The following VWF variants were observed in gnomAD, a reference collection of about 807,000 sequenced individuals.
VWF encodes von Willebrand factor, also known as Factor VIII related antigen.
A neutral mutation model predicts 308.6 loss-of-function variants in VWF; 176 were observed. The observed-to-expected ratio is 0.57, with a 90% CI of 0.50 to 0.65. The LOEUF is 0.65. VWF is among the 30% of genes least tolerant of loss of function. The pLI is 0.00. For synonymous variants in VWF, 1,385 were observed against 1,443.4 expected (o/e 0.96, Z 0.92); for missense variants, 3,146 against 3,648.2 (o/e 0.86, Z 3.55).
chr12:6,056,930 G>C lies in VWF; in HGVS notation c.1872C>G (p.Gly624=), dbSNP rs1426537381. The C allele has an allele frequency of 1.3e-6, 2 of 1,534,680 alleles. No homozygotes were observed. The highest frequency in any genetic ancestry group is 1.7e-6 in the Non-Finnish European group (2 of 1,145,960). ...AGGCCGCGGCATAGCTGGCCAGGGC[G>C]CCGCACAGGCACTCGCGGCCGTCCG... ...SCSDGRECLC[G]ALASYAAACA... The change falls in exon 15 of 52, where the codon GGC becomes GGG. Residue 624 remains glycine, a synonymous_variant. Transcript: ENST00000261405.
rs61750595 is a variant in VWF at position 6,018,443 on chromosome 12, G to A, written c.4975C>T (p.Arg1659Ter). The A allele has an allele frequency of 3.2e-5, 52 of 1,612,998 alleles. No individual in the cohort carries two copies. The highest frequency in any genetic ancestry group is 1.2e-5 in the Non-Finnish European group (14 of 1,179,672). The change falls in exon 28 of 52, where the codon CGA (arginine) becomes TGA (stop). Residue 1659 changes from arginine to a stop codon, truncating the protein, a stop_gained. Coordinates refer to ENST00000261405, the MANE Select transcript of VWF (RefSeq NM_000552.5). LOFTEE classifies it high-confidence loss of function. ...TGCAGCACCAGGTCAGGAGCCTCTCGGGGGAGCGTCTCAAAGTCCTGGATG... is the reference window on the plus strand; with the variant it reads ...TGCAGCACCAGGTCAGGAGCCTCTCAGGGGAGCGTCTCAAAGTCCTGGATG... ...ILIQDFETLP[R>*]EAPDLVLQRC...
intron 34 of VWF, among the ~76,000 whole-genome samples, chr12:5,998,482 AAAAAAAAAAAAAAAAAATATAT>A (rs1470205709): frequency 3.4e-5 from 2 of 58,196 alleles, no homozygotes; most frequent in Non-Finnish European, 5.9e-5. Context: ...AAAAAAAAAA[AAAAAAAAAAAAAAAAAATATAT>A]ATATATATAT....
Position 6,071,325 on chromosome 12 carries a change from C to G in VWF, c.1128G>C (p.Gln376His). The change falls in exon 10 of 52, where the codon CAG becomes CAC. Residue 376 changes from glutamine to histidine, a missense_variant. Around this residue, in one of 3 missense-constraint regions of VWF, gnomAD observed 1,304 missense variants for 1,353.0 expected, o/e 0.96. Transcript: ENST00000261405. ...GACATTCTTCATTGCTGCAGATCCA[C>G]TGGCTGTTTCGGCAAATGCTGTTGG... is the stretch of plus-strand genomic sequence containing the variant. Reference protein sequence around the residue: ...DCNTCICRNSQWICSNEECPG... With the variant: ...DCNTCICRNSHWICSNEECPG... 2 of 1,614,174 alleles carry G rather than the reference C, an allele frequency of 1.2e-6. No homozygotes were observed. Among genetic ancestry groups the G allele is most frequent in the Non-Finnish European group, 1.7e-6 (2 of 1,180,030 alleles).
In VWF at chr12:6,019,620, C is replaced by T. The variant is rs759033374; in HGVS notation, c.3798G>A (p.Pro1266=). The stretch of plus-strand genomic sequence containing the variant: ...GCCTGCTGCAGTAGAAATCGTGCAA[C>T]GGCGGTTCCGAGATGTCCTCCACAT... The part of the protein sequence containing the change: ...TLYVEDISEP[P]LHDFYCSRLL... The change falls in exon 28 of 52, where the codon CCG becomes CCA. Residue 1266 remains proline (P), a synonymous_variant. Coordinates refer to ENST00000261405, the MANE Select transcript of VWF (RefSeq NM_000552.5). The surrounding 1 kb of genome is among the most constrained non-coding windows in gnomAD (Gnocchi z 5.8). 30 of 1,613,970 alleles carry T rather than the reference C, an allele frequency of 1.9e-5. No homozygotes were observed. The highest frequency in any genetic ancestry group is 4.4e-5 in the South Asian group (4 of 91,080).
chr12:6,045,589 C>T (rs1480848074), intron 17 of VWF, among the ~76,000 whole-genome samples: 1 of 152,160 alleles, frequency 6.6e-6, no homozygotes, highest in Admixed American at 6.5e-5. Context: ...TTTGAGCCAC[C>T]CATGCCCTCG....
chr12:6,117,119 G>A (rs1945376294), intron 3 of VWF, among the ~76,000 whole-genome samples: 2 of 152,144 alleles, frequency 1.3e-5, no homozygotes, highest in African/African-American at 4.8e-5. Context: ...CGGTTTTGGT[G>A]AAAATGAAAT....
At chr12:5,984,357 A>G (rs1216999700) in intron 40 of VWF, among the ~76,000 whole-genome samples, 6 of 152,174 alleles carry the variant, frequency 3.9e-5, no homozygotes, top group Non-Finnish European at 8.8e-5. Flanking sequence ...ACTTCTATTT[A>G]TTTCTGATCA....
At chr12:6,111,116 A>T (rs1361188681) in intron 3 of VWF, 148 bp from the exon 4 acceptor site, 7 of 697,152 alleles carry the variant, frequency 1.0e-5, no homozygotes, top group Admixed American at 7.2e-5. Flanking sequence ...CTCCCTAAAA[A>T]TCTCATTTTC....
At chr12:5,993,492 C>A (rs1943766913) in intron 37 of VWF, among the ~76,000 whole-genome samples, 1 of 152,040 alleles carries the variant, frequency 6.6e-6, no homozygotes, top group African/African-American at 2.4e-5. Flanking sequence ...GGTTACACAG[C>A]CCTTTACAGA....
chr12:6,053,621 G>A (rs534757849), intron 15 of VWF, among the ~76,000 whole-genome samples: 1 of 152,286 alleles, frequency 6.6e-6, no homozygotes, highest in Non-Finnish European at 1.5e-5. Context: ...CGCAGCTAAG[G>A]GAACGGGCTC....
chr12:5,951,649 C>T (rs1169403300), intron 50 of VWF, among the ~76,000 whole-genome samples, 195 bp downstream of exon 50: 1 of 152,128 alleles, frequency 6.6e-6, no homozygotes, highest in African/African-American at 2.4e-5. Context: ...CTGATGACAT[C>T]CAAGGAGGGG....
At position 5,971,489 on chromosome 12, in the gene VWF, T is replaced by A. The variant is rs572069146; in HGVS notation, c.7548+110A>T. 5 of 881,144 alleles carry A rather than the reference T, an allele frequency of 5.7e-6. No individual in the cohort carries two copies. In the East Asian group the frequency reaches 1.2e-4, roughly 22 times the overall value. The allele number at this position is 881,144 out of a possible 1,614,324, so 54.6% of individuals were successfully genotyped here. ...GGATAACACCAACAGCTGGGTGAAATGCCCAGTGGGGAAAGCAAAGGGCAG... is the reference window on the plus strand; with the variant it reads ...GGATAACACCAACAGCTGGGTGAAAAGCCCAGTGGGGAAAGCAAAGGGCAG... On this transcript the variant is annotated intron_variant, in intron 44 of 51. Transcript: ENST00000261405.
Position 6,103,519 on chromosome 12 carries a change from CAT to C in VWF, c.532+6853_532+6854del, listed in dbSNP as rs560296606. Among the ~76,000 whole-genome samples the C allele has an allele frequency of 3.5e-4, 47 of 134,842 alleles. 3 individuals are homozygous for C. Among genetic ancestry groups the C allele is most frequent in the Admixed American group, 1.1e-3 (15 of 13,092 alleles). 88.5% of individuals were successfully genotyped at this position (134,842 alleles called of 152,430 possible). The stretch of plus-strand genomic sequence containing the variant: ...ATACACACACGTATATATATACACA[CAT>C]ATGTGTATATACACATATATGTATA... On this transcript the variant is annotated intron_variant, in intron 5 of 51. Transcript: ENST00000261405.
Position 5,976,156 on chromosome 12 carries a change from G to T in VWF, c.7392C>A (p.Arg2464=), listed in dbSNP as rs149984396. ...AGGGCTTCTGGGAGCACTGGGCCAC[G>T]CGGAGGCCCATCACGGCATCCTCCA... is the stretch of plus-strand genomic sequence containing the variant. ...TDMEDAVMGL[R]VAQCSQKPCE... is the part of the protein sequence containing the mutation. Residue 2464 remains arginine (R), a synonymous_variant, in exon 43 of 52, where the codon CGC becomes CGA. Coordinates refer to ENST00000261405, the MANE Select transcript of VWF (RefSeq NM_000552.5). 6.2e-7 allele frequency: 1 copy of T among 1,614,054 alleles called. No homozygotes were observed. Among genetic ancestry groups the T allele is most frequent in the Non-Finnish European group, 8.5e-7 (1 of 1,180,038 alleles).
chr12:5,978,244 G>A (rs1467579819), intron 42 of VWF, among the ~76,000 whole-genome samples: 1 of 151,028 alleles, frequency 6.6e-6, no homozygotes, highest in African/African-American at 2.4e-5. Flanking sequence ...AGGACTAGAA[G>A]AACTGAAAGG....
chr12:6,084,840 G>A (rs967252579), intron 6 of VWF, among the ~76,000 whole-genome samples: 2 of 152,074 alleles, frequency 1.3e-5, no homozygotes, highest in African/African-American at 4.8e-5. Flanking sequence ...CCTGCAGCAG[G>A]GAATACTTTC....
rs765452810 is a variant in VWF, at chr12:6,031,427, G to C, written c.2820+17C>G. ...GCACAAAGCGGGACATGAGGGTGGAGATGAGGCTGCACTTACCTCCCCGTC... is the reference window on the plus strand; with the variant it reads ...GCACAAAGCGGGACATGAGGGTGGACATGAGGCTGCACTTACCTCCCCGTC... On this transcript the variant is annotated intron_variant, in intron 21 of 51. Transcript: ENST00000261405. 41 of 1,614,038 alleles carry C rather than the reference G, an allele frequency of 2.5e-5. No homozygotes were observed. Among genetic ancestry groups the C allele is most frequent in the Non-Finnish European group, 7.6e-6 (9 of 1,180,034 alleles).
intron 47 of VWF, among the ~76,000 whole-genome samples, chr12:5,964,250 G>GCATACATGCATACATA (rs1943365127): frequency 8.2e-6 from 1 of 122,350 alleles, no homozygotes; most frequent in South Asian, 2.4e-4. Flanking sequence ...ATACATACAT[G>GCATACATGCATACATA]CATACATACA....
At chr12:5,977,809 G>A (rs1007249755) in intron 42 of VWF, among the ~76,000 whole-genome samples, 6 of 151,200 alleles carry the variant, frequency 4.0e-5, no homozygotes, top group African/African-American at 1.2e-4. Context: ...GGTGGAGGCT[G>A]AAGTTAGTTG....
Sources: allele counts gnomAD v4.1 joint callset (sites outside exome capture counted in the v4.1 genomes callset), GRCh38; gene constraint gnomAD v4.1.1; regional missense constraint gnomAD v4.1.1; non-coding constraint Gnocchi (gnomAD v3.1); transcripts MANE v1.5; gene names NCBI Gene and HGNC (gene_info 2026-07-23, HGNC 2026-07-21).